Variants in TAFA2 observed in about 807,000 individuals in gnomAD.
TAFA2 encodes chemokine-like protein TAFA-2.
TAFA2 carries 7 observed loss-of-function variants against 18.8 expected under a neutral mutation model. That is an observed-to-expected ratio of 0.37 (90% confidence interval 0.21 to 0.70). TAFA2 has a LOEUF of 0.70. Among genes scored for constraint, TAFA2 ranks in the 30% least tolerant of loss-of-function variants. The probability of loss-of-function intolerance (pLI) is 0.53; values close to 1 mark genes in which losing one functional copy is unlikely to be tolerated. For synonymous variants in TAFA2, 60 were observed against 54.2 expected, an observed-to-expected ratio of 1.11 and a Z score of -0.47; for missense variants, 122 against 158.1, an observed-to-expected ratio of 0.77 and a Z score of 1.23.
intron 1 of TAFA2, among the ~76,000 whole-genome samples, chr12:61,899,947 G>A (rs1370890633): frequency 6.6e-6 from 1 of 152,182 alleles, no homozygotes; most frequent in African/African-American, 2.4e-5. Flanking sequence ...AGACACCTGA[G>A]CATCTGTGGG....
At chr12:61,774,890 A>G (rs1324604132) in intron 2 of TAFA2, among the ~76,000 whole-genome samples, 1 of 151,892 alleles carries the variant, frequency 6.6e-6, no homozygotes, top group African/African-American at 2.4e-5. Flanking sequence ...AATGACAACC[A>G]CAGACTGGGT....
chr12:62,115,553 C>A (rs905232991), intron 1 of TAFA2, among the ~76,000 whole-genome samples: 2 of 152,108 alleles, frequency 1.3e-5, no homozygotes, highest in Admixed American at 1.3e-4. Flanking sequence ...AGAAGTACCA[C>A]TTTTTGTATA....
chr12:62,102,561 A>T (rs1181770638), intron 1 of TAFA2, among the ~76,000 whole-genome samples: 1 of 152,156 alleles, frequency 6.6e-6, no homozygotes, highest in African/African-American at 2.4e-5. Flanking sequence ...TGATTGCTGA[A>T]ATGGTGATTC....
At chr12:61,793,663 C>G (rs1871075639) in intron 2 of TAFA2, among the ~76,000 whole-genome samples, 1 of 151,672 alleles carries the variant, frequency 6.6e-6, no homozygotes, top group Non-Finnish European at 1.5e-5. Flanking sequence ...TTCTACCAAG[C>G]ATTTAAGGAA....
At chr12:62,035,976 G>A (rs1165747911) in intron 1 of TAFA2, among the ~76,000 whole-genome samples, 1 of 151,574 alleles carries the variant, frequency 6.6e-6, no homozygotes, top group Admixed American at 6.6e-5. Flanking sequence ...TCCTGACCTC[G>A]TGATCCGCCC....
chr12:62,126,584 G>A (rs748365591), intron 1 of TAFA2, among the ~76,000 whole-genome samples: 3 of 151,942 alleles, frequency 2.0e-5, no homozygotes, highest in Non-Finnish European at 2.9e-5. Flanking sequence ...AGATTCTTCC[G>A]TTGTGCCACA....
chr12:62,134,499 T>C (rs1322813488), intron 1 of TAFA2, among the ~76,000 whole-genome samples: 4 of 151,986 alleles, frequency 2.6e-5, no homozygotes, highest in African/African-American at 9.7e-5. Flanking sequence ...ACTTTGAACT[T>C]GGACCTTCCA....
intron 4 of TAFA2, among the ~76,000 whole-genome samples, chr12:61,710,853 G>T (rs1204592948): frequency 6.6e-6 from 1 of 151,874 alleles, no homozygotes; most frequent in Non-Finnish European, 1.5e-5. Context: ...AAGCCCTTGG[G>T]GATTGGTTCC....
chr12:61,994,271 T>G (rs1880109261), intron 1 of TAFA2, among the ~76,000 whole-genome samples: 1 of 152,084 alleles, frequency 6.6e-6, no homozygotes, highest in Admixed American at 6.5e-5. Flanking sequence ...GACAAACCCA[T>G]CTATCTGTTC....
chr12:61,855,103 A>T (rs1270304309), intron 2 of TAFA2, among the ~76,000 whole-genome samples: 1 of 152,166 alleles, frequency 6.6e-6, no homozygotes, highest in Non-Finnish European at 1.5e-5. Flanking sequence ...CCTAAAAGAG[A>T]TGCTTAGGTG....
rs554814612 is a variant in TAFA2 at position 62,039,257 on chromosome 12, A to G, written c.-2+152002T>C. On this transcript the variant is annotated intron_variant, in intron 1 of 4. Transcript: ENST00000416284. ...AACTCTATGCACCTTACACTAATTC[A>G]CTATTTTATTTATTCTGAACCTGTC... 1.8e-4 allele frequency among the ~76,000 whole-genome samples: 28 copies of G among 152,346 alleles called. No homozygotes were observed. In the East Asian group the frequency reaches 5.4e-3, roughly 29 times the overall value.
chr12:61,925,143 A>T lies in TAFA2; in HGVS notation c.-1-57717T>A, dbSNP rs186290762. 3.5e-4 allele frequency among the ~76,000 whole-genome samples: 54 copies of T among 152,220 alleles called. 1 individual carries two copies. The highest frequency in any genetic ancestry group is 3.4e-3 in the Middle Eastern group (1 of 294). ...ATCCCACACAATAATAGTGGGAGACATTAACACCCCACTGTCAATATTAGA... is the reference window on the plus strand; with the variant it reads ...ATCCCACACAATAATAGTGGGAGACTTTAACACCCCACTGTCAATATTAGA... On this transcript the variant is annotated intron_variant, in intron 1 of 4. Coordinates refer to ENST00000416284, the MANE Select transcript of TAFA2 (RefSeq NM_178539.5).
At position 62,245,633 on chromosome 12, in the gene TAFA2, T is replaced by C. The variant is rs151221141; in HGVS notation, c.-130+13130A>G. Among the ~76,000 whole-genome samples the C allele has an allele frequency of 9.6e-3, 1,423 of 147,758 alleles. 6 individuals carry two copies. The highest frequency in any genetic ancestry group is 0.018 in the South Asian group (87 of 4,776). On this transcript the variant is annotated intron_variant, in intron 1 of 5. Transcript: ENST00000551619. ...TATAAATATATATTATACATAAATATATAAAATGTATATTTTATAGAATAT... is the reference window on the plus strand; with the variant it reads ...TATAAATATATATTATACATAAATACATAAAATGTATATTTTATAGAATAT...
chr12:61,833,060 A>G (rs1872777982), intron 2 of TAFA2, among the ~76,000 whole-genome samples: 2 of 147,094 alleles, frequency 1.4e-5, no homozygotes, highest in Non-Finnish European at 3.0e-5. Flanking sequence ...GTATAAATAA[A>G]TATATATACA....
intron 1 of TAFA2, among the ~76,000 whole-genome samples, chr12:62,048,405 T>A (rs1381936125): frequency 6.6e-6 from 1 of 152,160 alleles, no homozygotes; most frequent in African/African-American, 2.4e-5. Flanking sequence ...ATGATTCAAT[T>A]ACCTCCACCT....
intron 1 of TAFA2, among the ~76,000 whole-genome samples, chr12:62,056,226 G>A (rs1449848945): frequency 1.3e-5 from 2 of 152,036 alleles, no homozygotes; most frequent in African/African-American, 4.8e-5. Context: ...GTAGGACAAG[G>A]CAACCCACAC....
chr12:62,259,524 C>T (rs537626380), upstream of TAFA2: 1 of 152,170 alleles, frequency 6.6e-6, no homozygotes, highest in Non-Finnish European at 1.5e-5. Flanking sequence ...TTAAGCGACT[C>T]GATTTTCTAT....
intron 1 of TAFA2, among the ~76,000 whole-genome samples, chr12:62,243,049 G>C (rs2062869934): frequency 6.6e-6 from 1 of 152,098 alleles, no homozygotes; most frequent in Admixed American, 6.5e-5. Context: ...GAAAACTATA[G>C]CCTAAATTAT....
At chr12:61,877,860 C>T (rs1874924633) in intron 1 of TAFA2, among the ~76,000 whole-genome samples, 1 of 151,036 alleles carries the variant, frequency 6.6e-6, no homozygotes, top group African/African-American at 2.4e-5. Context: ...CCAAATCATA[C>T]TAAATTAGGT....
Sources: gnomAD v4.1 joint callset for allele counts (sites outside exome capture counted in the v4.1 genomes callset) on GRCh38, gnomAD v4.1.1 for gene constraint, MANE v1.5 for transcripts, NCBI Gene and HGNC (gene_info 2026-07-23, HGNC 2026-07-21) for gene names.